The following CSMD1 variants were observed in gnomAD, a reference collection of about 807,000 sequenced individuals.
CSMD1 encodes the protein CUB and Sushi multiple domains 1.
Under a neutral mutation model 417.5 loss-of-function variants are expected in CSMD1, and 213 were observed. The ratio of observed to expected loss-of-function variants is 0.51; its 90% confidence interval spans 0.46 to 0.57. CSMD1 has a LOEUF of 0.57. Ranked by LOEUF, CSMD1 falls within the 20% of genes least tolerant of loss-of-function variation. The pLI, the probability that CSMD1 is intolerant of heterozygous loss-of-function variation, is 0.00. For missense variants in CSMD1, 6,923 were observed against 4,529.7 expected, an observed-to-expected ratio of 1.53 and a Z score of -15.17; for synonymous variants, 2,862 against 1,736.8, an observed-to-expected ratio of 1.65 and a Z score of -16.11.
At chr8:3,792,245 A>G (rs1029979782) in intron 5 of CSMD1, among the ~76,000 whole-genome samples, 3 of 151,736 alleles carry the variant, frequency 2.0e-5, no homozygotes, top group Non-Finnish European at 4.4e-5. Flanking sequence ...GGGAGTTATG[A>G]TAGTGCCACT....
intron 3 of CSMD1, among the ~76,000 whole-genome samples, chr8:4,373,412 C>T (rs1802519651): frequency 6.6e-6 from 1 of 152,176 alleles, no homozygotes; most frequent in African/African-American, 2.4e-5. Flanking sequence ...ATGTTAACAA[C>T]AGAGGAGACA....
At chr8:3,702,065 G>C (rs1006005105) in intron 7 of CSMD1, 3 of 152,066 alleles carry the variant, frequency 2.0e-5, no homozygotes, top group African/African-American at 7.2e-5. Context: ...AAATACAGGA[G>C]AATTCCAGGG....
intron 3 of CSMD1, among the ~76,000 whole-genome samples, chr8:4,165,683 G>A (rs568805836): frequency 5.8e-4 from 89 of 152,262 alleles, no homozygotes; most frequent in African/African-American, 1.7e-3. Context: ...AATTACAGGC[G>A]TGACCCATCA....
intron 2 of CSMD1, among the ~76,000 whole-genome samples, chr8:4,545,816 C>A (rs1184885381): frequency 6.6e-6 from 1 of 152,242 alleles, no homozygotes. Flanking sequence ...ACTAGCTCAT[C>A]ATCTAGGCCA....
chr8:4,161,411 T>C lies in CSMD1; in HGVS notation c.416-129312A>G, dbSNP rs1797154787. On this transcript the variant is annotated intron_variant, in intron 3 of 69. Coordinates refer to ENST00000635120, the MANE Select transcript of CSMD1 (RefSeq NM_033225.6). ...AGGAATCTTAGAGGTAAACTTGTCA[T>C]TCCTCCTTAATTTTTTAGAAGAGAA... Among the ~76,000 whole-genome samples, 5 of 152,238 alleles carry C rather than the reference T, an allele frequency of 3.3e-5. No homozygotes were observed. The South Asian group carries it at 8.3e-4, about 25-fold the overall frequency.
chr8:4,049,525 G>C lies in CSMD1; in HGVS notation c.416-17426C>G, dbSNP rs180867047. On this transcript the variant is annotated intron_variant, in intron 3 of 69. Coordinates refer to ENST00000635120, the MANE Select transcript of CSMD1 (RefSeq NM_033225.6). ...TGAATAAGATTGGAATCTACACTTT[G>C]GTCTCTAGGGCCAACCTCTTACCTG... Among the ~76,000 whole-genome samples the C allele has an allele frequency of 7.3e-5, 11 of 151,372 alleles. No individual in the cohort carries two copies. In the South Asian group the frequency reaches 8.4e-4, roughly 12 times the overall value.
chr8:3,511,326 C>G (rs925207133), intron 10 of CSMD1, among the ~76,000 whole-genome samples: 1 of 151,448 alleles, frequency 6.6e-6, no homozygotes, highest in South Asian at 2.1e-4. Flanking sequence ...ATGTGTATAC[C>G]TATGTAACAA....
chr8:4,647,126 A>G (rs545404911), intron 1 of CSMD1, among the ~76,000 whole-genome samples: 1 of 152,302 alleles, frequency 6.6e-6, no homozygotes, highest in African/African-American at 2.4e-5. Flanking sequence ...AACAAGTCAA[A>G]TTTAAATGTA....
At chr8:3,946,934 T>G (rs1474585011) in intron 5 of CSMD1, among the ~76,000 whole-genome samples, 1 of 152,226 alleles carries the variant, frequency 6.6e-6, no homozygotes. Flanking sequence ...TTATGTCTAG[T>G]AACTTTTGTA....
intron 2 of CSMD1, among the ~76,000 whole-genome samples, chr8:4,462,674 T>G (rs1192913671): frequency 1.3e-5 from 2 of 152,198 alleles, no homozygotes; most frequent in Admixed American, 6.5e-5. Flanking sequence ...GTTCCAGAGA[T>G]AAAAACCACT....
intron 5 of CSMD1, among the ~76,000 whole-genome samples, chr8:3,817,860 C>T (rs939708248): frequency 6.6e-6 from 1 of 152,274 alleles, no homozygotes; most frequent in Middle Eastern, 3.4e-3. Context: ...AGAGCATACC[C>T]TTCACGGCTT....
chr8:4,133,143 G>A (rs1258980386), intron 3 of CSMD1, among the ~76,000 whole-genome samples: 4 of 152,020 alleles, frequency 2.6e-5, no homozygotes, highest in Admixed American at 2.6e-4. Flanking sequence ...TCACCATATT[G>A]GCCAGGCTGG....
At chr8:4,028,388 G>A (rs867655986) in intron 4 of CSMD1, among the ~76,000 whole-genome samples, 3 of 152,018 alleles carry the variant, frequency 2.0e-5, no homozygotes, top group South Asian at 2.1e-4. Flanking sequence ...ACAGTAAGTG[G>A]ACAATACATA....
chr8:3,902,313 A>G (rs907153519), intron 5 of CSMD1, among the ~76,000 whole-genome samples: 2 of 152,122 alleles, frequency 1.3e-5, no homozygotes, highest in African/African-American at 4.8e-5. Flanking sequence ...TACTCCAACT[A>G]TTACCCAGTA....
In CSMD1 at chr8:4,510,390, T is replaced by TAAAAAAAAAAAAAAAAAA. The variant is rs34791623; in HGVS notation, c.303-90343_303-90326dup. On this transcript the variant is annotated intron_variant, in intron 2 of 69. Transcript: ENST00000635120. The stretch of plus-strand genomic sequence containing the variant: ...GTAGACAATTAAAAAGCATAATGCC[T>TAAAAAAAAAAAAAAAAAA]AAAAAAAAAAAAAAAAAAAAAAAAA... Among the ~76,000 whole-genome samples, 14 of 54,644 alleles carry TAAAAAAAAAAAAAAAAAA rather than the reference T, an allele frequency of 2.6e-4. 1 individual carries two copies. The highest frequency in any genetic ancestry group is 4.6e-4 in the African/African-American group (6 of 12,966). The allele number at this position is 54,644 out of a possible 152,430, so 35.8% of individuals were successfully genotyped here.
intron 1 of CSMD1, among the ~76,000 whole-genome samples, chr8:4,826,401 G>C (rs921661978): frequency 6.6e-6 from 1 of 152,118 alleles, no homozygotes; most frequent in African/African-American, 2.4e-5. Flanking sequence ...CAACAGCATG[G>C]ATGAGCCTGG....
intron 1 of CSMD1, among the ~76,000 whole-genome samples, chr8:4,806,869 T>G (rs995281765): frequency 2.6e-5 from 4 of 152,278 alleles, no homozygotes; most frequent in Non-Finnish European, 2.9e-5. Context: ...AACTGCAGCC[T>G]GAAAGATGGT....
chr8:4,489,019 C>T (rs1165748419), intron 2 of CSMD1, among the ~76,000 whole-genome samples: 7 of 152,162 alleles, frequency 4.6e-5, no homozygotes, highest in Non-Finnish European at 7.4e-5. Context: ...CAAGCAATTC[C>T]CCTGTCTCAG....
chr8:3,949,994 C>T (rs1563244599), intron 5 of CSMD1: 2 of 455,780 alleles, frequency 4.4e-6, no homozygotes, highest in Non-Finnish European at 8.8e-6. Flanking sequence ...ATGAAATTAC[C>T]CACTACATTT....
Sources: gnomAD v4.1 joint callset for allele counts (sites outside exome capture counted in the v4.1 genomes callset) on GRCh38, gnomAD v4.1.1 for gene constraint, MANE v1.5 for transcripts, NCBI Gene and HGNC (gene_info 2026-07-23, HGNC 2026-07-21) for gene names.